The following VSTM2A variants were observed in gnomAD, a reference collection of about 807,000 sequenced individuals.
VSTM2A encodes V-set and transmembrane domain containing 2A.
VSTM2A carries 13 observed loss-of-function variants against 27.3 expected under a neutral mutation model. The observed-to-expected ratio is 0.48, with a 90% CI of 0.31 to 0.76. VSTM2A has a LOEUF of 0.76. VSTM2A is among the 30% of genes least tolerant of loss of function. VSTM2A has a pLI of 0.05. For missense variants in VSTM2A, 280 were observed against 310.0 expected (o/e 0.90, Z 0.73); for synonymous variants, 142 against 125.7 (o/e 1.13, Z -0.87).
At chr7:54,558,043 G>A (rs1334983359) in intron 4 of VSTM2A, 2 of 152,054 alleles carry the variant, frequency 1.3e-5, no homozygotes, top group Admixed American at 1.3e-4. Context: ...TCTTGCCCAA[G>A]GTTGTAACTA....
chr7:54,548,187 A>G (rs1294392902), intron 3 of VSTM2A, among the ~76,000 whole-genome samples: 8 of 152,174 alleles, frequency 5.3e-5, no homozygotes, highest in African/African-American at 1.2e-4. Context: ...CCTATCATCT[A>G]AAGGCCAGTA....
At chr7:54,546,340 G>T in intron 2 of VSTM2A, 1 of 163,824 alleles carries the variant, frequency 6.1e-6, no homozygotes, top group South Asian at 2.0e-4. Flanking sequence ...AGCGGGAGGA[G>T]GGGAGAGGGG....
chr7:54,568,853 A>G (rs780798899), intron 4 of VSTM2A, among the ~76,000 whole-genome samples: 1 of 152,282 alleles, frequency 6.6e-6, no homozygotes, highest in Admixed American at 6.5e-5. Context: ...AATCCTTTGT[A>G]TGTGTTGTTG....
chr7:54,569,013 G>A (rs1210613936), intron 4 of VSTM2A, 118 bp from the exon 5 acceptor site: 5 of 1,599,158 alleles, frequency 3.1e-6, no homozygotes, highest in Admixed American at 3.4e-5. Flanking sequence ...CCGCAGGTGC[G>A]AGGATAGCTA....
Position 54,544,641 on chromosome 7 carries a change from G to C in VSTM2A, c.99G>C (p.Pro33=), listed in dbSNP as rs1562703336. 1 of 1,612,952 alleles carries C rather than the reference G, an allele frequency of 6.2e-7. No homozygotes were observed. The highest frequency in any genetic ancestry group is 2.2e-5 in the East Asian group (1 of 44,870). Residue 33 remains proline, a synonymous_variant, in exon 2 of 5, where the codon CCG becomes CCC. Transcript: ENST00000402613. ...LSSQAKFTEF[P]RNVTATEGQN... ...TTGCAGCAAAATTTACCGAGTTTCC[G>C]CGGAACGTGACGGCGACCGAGGGGC...
intron 4 of VSTM2A, chr7:54,558,128 G>A (rs1026167618): frequency 6.6e-5 from 10 of 151,992 alleles, no homozygotes; most frequent in Non-Finnish European, 1.3e-4. Context: ...TAAATAACAG[G>A]TATTCTAAAG....
rs146897803 is a variant in VSTM2A, at chr7:54,549,905, C to T, written c.369C>T (p.Gly123=). 3 of 1,613,750 alleles carry T rather than the reference C, an allele frequency of 1.9e-6. No homozygotes were observed. Among genetic ancestry groups the T allele is most frequent in the Non-Finnish European group, 2.5e-6 (3 of 1,179,860 alleles). ...CCAAAGTGAGGAAAAAGGATGAAGGCTTATATGAGTGCAGGGTGACTGATG... is the reference window on the plus strand; with the variant it reads ...CCAAAGTGAGGAAAAAGGATGAAGGTTTATATGAGTGCAGGGTGACTGATG... ...QISKVRKKDE[G]LYECRVTDAN... The change falls in exon 4 of 5, where the codon GGC becomes GGT. Residue 123 remains glycine, a synonymous_variant. Coordinates refer to ENST00000402613, the MANE Select transcript of VSTM2A (RefSeq NM_001301009.2).
intron 4 of VSTM2A, among the ~76,000 whole-genome samples, chr7:54,564,778 G>C (rs2115928298): frequency 6.6e-6 from 1 of 152,260 alleles, no homozygotes; most frequent in South Asian, 2.1e-4. Context: ...TAAAATAATA[G>C]TGGAGCCAGG....
At chr7:54,547,221 A>G (rs922455967) in intron 3 of VSTM2A, 1 of 471,170 alleles carries the variant, frequency 2.1e-6, no homozygotes, top group African/African-American at 2.0e-5. Context: ...ATCGTTTGCT[A>G]TCCAGAGAGG....
chr7:54,566,853 T>C (rs1788740108), intron 4 of VSTM2A, among the ~76,000 whole-genome samples: 1 of 152,194 alleles, frequency 6.6e-6, no homozygotes, highest in Non-Finnish European at 1.5e-5. Flanking sequence ...ATTTCTGTCT[T>C]TAAAATGAGC....
At chr7:54,548,004 CTT>C (rs1423621267) in intron 3 of VSTM2A, among the ~76,000 whole-genome samples, 1 of 152,118 alleles carries the variant, frequency 6.6e-6, no homozygotes, top group Non-Finnish European at 1.5e-5. Context: ...AAATTACTGA[CTT>C]TTTAGAATAC....
At chr7:54,560,374 TA>T (rs36113459) in intron 4 of VSTM2A, among the ~76,000 whole-genome samples, 20,756 of 152,094 alleles carry the variant, frequency 0.14, 2,562 homozygotes, top group African/African-American at 0.32. Flanking sequence ...CTTGTTTTTC[TA>T]AGCAAATAGG....
chr7:54,544,138 C>A (rs897892185), intron 1 of VSTM2A, among the ~76,000 whole-genome samples: 1 of 152,160 alleles, frequency 6.6e-6, no homozygotes, highest in Non-Finnish European at 1.5e-5. Context: ...TTGCTAATAA[C>A]CGTTTTGATG....
At chr7:54,552,036 AT>A (rs1301763190) in intron 4 of VSTM2A, 10 of 152,144 alleles carry the variant, frequency 6.6e-5, no homozygotes, top group Admixed American at 6.5e-4. Context: ...TAGCGCTGTG[AT>A]TAGTGCTAAA....
intron 4 of VSTM2A, 88 bp from the exon 5 acceptor site, chr7:54,569,043 C>T: frequency 1.2e-6 from 2 of 1,605,952 alleles, no homozygotes; most frequent in Non-Finnish European, 1.7e-6. Context: ...GACTTTCTGT[C>T]CTGCTTCTTG....
intron 4 of VSTM2A, 76 bp from the exon 5 acceptor site, chr7:54,569,055 T>C (rs747274602): frequency 3.1e-6 from 5 of 1,606,826 alleles, no homozygotes; most frequent in Admixed American, 1.7e-5. Context: ...TGCTTCTTGT[T>C]TGTGGCTTTG....
At chr7:54,544,073 T>C (rs570572791) in intron 1 of VSTM2A, among the ~76,000 whole-genome samples, 1 of 152,342 alleles carries the variant, frequency 6.6e-6, no homozygotes, top group South Asian at 2.1e-4. Flanking sequence ...AGGAAACATA[T>C]ACAGTTTATA....
chr7:54,567,765 C>CTT lies in VSTM2A; in HGVS notation c.635-1357_635-1356dup, dbSNP rs11407689. On this transcript the variant is annotated intron_variant, in intron 4 of 4. Coordinates refer to ENST00000402613, the MANE Select transcript of VSTM2A (RefSeq NM_001301009.2). ...AGCATTTAATAATTTATTTTTCTTT[C>CTT]TTTTTTTTTTCATTAAATGAATCCC... Among the ~76,000 whole-genome samples the CTT allele has an allele frequency of 2.4e-4, 36 of 149,306 alleles. No individual in the cohort carries two copies. In the South Asian group the frequency reaches 4.0e-3, roughly 17 times the overall value.
At chr7:54,560,263 C>T (rs1183450492) in intron 4 of VSTM2A, among the ~76,000 whole-genome samples, 1 of 152,014 alleles carries the variant, frequency 6.6e-6, no homozygotes, top group Non-Finnish European at 1.5e-5. Context: ...TGAAAATGGT[C>T]GGTACTCAGA....
Sources: gnomAD v4.1 joint callset for allele counts (sites outside exome capture counted in the v4.1 genomes callset) on GRCh38, gnomAD v4.1.1 for gene constraint, MANE v1.5 for transcripts, NCBI Gene and HGNC (gene_info 2026-07-23, HGNC 2026-07-21) for gene names.